Variants in TTN observed in about 807,000 individuals in gnomAD.
TTN encodes the protein connectin.
TTN carries 1,525 observed loss-of-function variants against 3,223.0 expected under a neutral mutation model. The observed-to-expected ratio is 0.47, with a 90% CI of 0.45 to 0.49. The LOEUF (loss-of-function observed/expected upper bound fraction) is 0.49. Among genes scored for constraint, TTN ranks in the 20% least tolerant of loss-of-function variants. TTN has a pLI of 0.00. For missense variants in TTN, 40,786 were observed against 43,424.0 expected (o/e 0.94, Z 5.40); for synonymous variants, 14,094 against 15,161.0 (o/e 0.93, Z 5.17).
At chr2:178,802,362 A>G (rs1561528642) in intron 2 of TTN, 21 bp from the exon 3 acceptor site, 1 of 1,608,806 alleles carries the variant, frequency 6.2e-7, no homozygotes, top group Non-Finnish European at 8.5e-7. Context: ...AGAACAATTC[A>G]CCTTTATGTT....
chr2:178,652,149 T>C lies in TTN; in HGVS notation c.39242A>G (p.Glu13081Gly). ...AGGAATAGCTTCAGGCACCTTCTTT[T>C]CTGGGACAGCTACCTTTGGCACCTC... ...VPEVPKVAVP[E>G]KKVPEAIPPK... The change falls in exon 204 of 363, where the codon GAA becomes GGA. Residue 13081 changes from glutamate (E) to glycine (G), a missense_variant. Transcript: ENST00000589042. 6.2e-7 allele frequency: 1 copy of C among 1,612,344 alleles called. No individual in the cohort carries two copies.
In TTN at chr2:178,588,799, T is replaced by G. The variant is rs1225927295; in HGVS notation, c.62926A>C (p.Ser20976Arg). The G allele has an allele frequency of 3.1e-6, 5 of 1,613,366 alleles. No individual in the cohort carries two copies. Among genetic ancestry groups the G allele is most frequent in the Non-Finnish European group, 4.2e-6 (5 of 1,179,568 alleles). Residue 20976 changes from serine to arginine, a missense_variant, in exon 304 of 363, where the codon AGC becomes CGC. Coordinates refer to ENST00000589042, the MANE Select transcript of TTN (RefSeq NM_001267550.2). ...CAAACCACAGTCATCTCTTCTTTGC[T>G]TACTTTAGTGACTTCTGGGGGATCA... Reference protein sequence around the residue: ...RPDPPEVTKVSKEEMTVVWNP... With the variant: ...RPDPPEVTKVRKEEMTVVWNP...
At position 178,750,473 on chromosome 2, in the gene TTN, G is replaced by A. The variant is rs774501889; in HGVS notation, c.11311+2651C>T. The stretch of plus-strand genomic sequence containing the variant: ...GATTGGCATGTCATTGTTATACCAC[G>A]TCACTATAGGTTGAGGATATCCTTG... On this transcript the variant is annotated intron_variant, in intron 47 of 362. Coordinates refer to ENST00000589042, the MANE Select transcript of TTN (RefSeq NM_001267550.2). The A allele has an allele frequency of 1.7e-5, 27 of 1,612,710 alleles. No homozygotes were observed. Among genetic ancestry groups the A allele is most frequent in the East Asian group, 4.5e-5 (2 of 44,770 alleles).
intron 112 of TTN, among the ~76,000 whole-genome samples, chr2:178,698,379 AT>A (rs2154286207): frequency 6.6e-6 from 1 of 152,318 alleles, no homozygotes; most frequent in East Asian, 1.9e-4. Context: ...TAAATTTCAA[AT>A]ATTCTCACCA....
rs1553487597 is a variant in TTN at position 178,531,990 on chromosome 2, CCTT to C, written c.104622_104624del (p.Arg34875del). On this transcript the variant is annotated inframe_deletion, in exon 358 of 363. Coordinates refer to ENST00000589042, the MANE Select transcript of TTN (RefSeq NM_001267550.2). ...GGCGAGTTCTCTCTGGAGTAGGTGA[CCTT>C]CTTTCTGTGTCATCTTCGTATTCCT... 2 of 1,613,794 alleles carry C rather than the reference CCTT, an allele frequency of 1.2e-6. No homozygotes were observed. The highest frequency in any genetic ancestry group is 1.7e-6 in the Non-Finnish European group (2 of 1,179,846).
rs763365908 is a variant in TTN, at chr2:178,706,983, T to C, written c.29042-29A>G. ...AAAAAACATTTACATGTTTTGTTACTACAATCACCTCAGAATTACAATACA... is the reference window on the plus strand; with the variant it reads ...AAAAAACATTTACATGTTTTGTTACCACAATCACCTCAGAATTACAATACA... On this transcript the variant is annotated intron_variant, in intron 100 of 362. Coordinates refer to ENST00000589042, the MANE Select transcript of TTN (RefSeq NM_001267550.2). 7 of 1,562,322 alleles carry C rather than the reference T, an allele frequency of 4.5e-6. No individual in the cohort carries two copies. The African/African-American group carries it at 9.5e-5, about 21-fold the overall frequency.
rs201284459 is a variant in TTN, at chr2:178,774,998, G to C, written c.6713C>G (p.Thr2238Arg). 18 of 1,613,944 alleles carry C rather than the reference G, an allele frequency of 1.1e-5. No homozygotes were observed. The South Asian group carries it at 1.5e-4, about 14-fold the overall frequency. ...VHFLSILTIDTSDAEDYSCVL... is the reference protein window; with the variant it reads ...VHFLSILTIDRSDAEDYSCVL... ...ACAGCTGTAATCTTCAGCATCAGAC[G>C]TATCAATGGTCAGTATGGAGAGGAA... is the stretch of plus-strand genomic sequence containing the variant. The change falls in exon 29 of 363, where the codon ACG becomes AGG. Residue 2238 changes from threonine to arginine, a missense_variant. Physicochemically the swap from Thr to Arg is moderately conservative, Grantham distance 71. Coordinates refer to ENST00000589042, the MANE Select transcript of TTN (RefSeq NM_001267550.2).
intron 125 of TTN, 81 bp from the exon 126 acceptor site, chr2:178,688,859 A>C: frequency 8.3e-7 from 1 of 1,203,492 alleles, no homozygotes. Flanking sequence ...GAAGAGTTGC[A>C]CAGTACACCA....
In TTN at chr2:178,552,739, G is replaced by A. The variant is rs767891763; in HGVS notation, c.90161C>T (p.Pro30054Leu). 1.9e-5 allele frequency: 31 copies of A among 1,613,826 alleles called. No homozygotes were observed. Among genetic ancestry groups the A allele is most frequent in the Non-Finnish European group, 2.5e-5 (30 of 1,179,842 alleles). The change falls in exon 335 of 363, where the codon CCT (proline) becomes CTT (leucine). Residue 30054 changes from proline to leucine, a missense_variant. Coordinates refer to ENST00000589042, the MANE Select transcript of TTN (RefSeq NM_001267550.2). ...KTSVILSWTK[P>L]DFDGGSVITE... ...GATGACGCTACCACCATCAAAGTCAGGTTTGGTCCAGCTGAGGATGACAGA... is the reference window on the plus strand; with the variant it reads ...GATGACGCTACCACCATCAAAGTCAAGTTTGGTCCAGCTGAGGATGACAGA...
At chr2:178,779,811 A>G (rs1359772079) in intron 22 of TTN, 189 bp downstream of exon 22, 3 of 613,112 alleles carry the variant, frequency 4.9e-6, no homozygotes, top group Non-Finnish European at 8.5e-6. Context: ...TATGGCCTAT[A>G]TGTAATCTCT....
intron 242 of TTN, among the ~76,000 whole-genome samples, chr2:178,624,227 AAAG>A (rs2058703241): frequency 6.6e-6 from 1 of 151,976 alleles, no homozygotes; most frequent in Admixed American, 6.6e-5. Flanking sequence ...CAGTGAGAGA[AAAG>A]AAGCATAGGG....
In TTN at chr2:178,799,744, A is replaced by G; in HGVS notation, c.670-13T>C. ...GGGCTTCAATCTTCTGTAAAAGATT[A>G]AAACAAAGCCCACGTTGAGGAGGAA... On this transcript the variant is annotated splice_polypyrimidine_tract_variant and intron_variant, in intron 5 of 362. Coordinates refer to ENST00000589042, the MANE Select transcript of TTN (RefSeq NM_001267550.2). The G allele has an allele frequency of 6.2e-7, 1 of 1,614,198 alleles. No homozygotes were observed. The highest frequency in any genetic ancestry group is 8.5e-7 in the Non-Finnish European group (1 of 1,180,018).
chr2:178,552,396 A>G lies in TTN; in HGVS notation c.90504T>C (p.Asp30168=). Residue 30168 remains aspartate, a synonymous_variant, in exon 335 of 363, where the codon GAT becomes GAC. Coordinates refer to ENST00000589042, the MANE Select transcript of TTN (RefSeq NM_001267550.2). The part of the protein sequence containing the change: ...KPKPSISWLK[D]GLPLKESEFV... Reference sequence around the variant, plus strand: ...ATTCACTTTCTTTCAGTGGCAAGCCATCTTTCAGCCAACTGATGGATGGTT... The same window carrying G: ...ATTCACTTTCTTTCAGTGGCAAGCCGTCTTTCAGCCAACTGATGGATGGTT... The G allele has an allele frequency of 6.3e-7, 1 of 1,592,346 alleles. No homozygotes were observed. The highest frequency in any genetic ancestry group is 8.6e-7 in the Non-Finnish European group (1 of 1,167,138).
intron 281 of TTN, 94 bp from the exon 282 acceptor site, chr2:178,604,399 T>A: frequency 9.5e-7 from 1 of 1,049,704 alleles, no homozygotes; most frequent in Non-Finnish European, 1.3e-6. Context: ...GAGGGATGAC[T>A]GTAAGAAGAA....
At position 178,599,184 on chromosome 2, in the gene TTN, G is replaced by T. The variant is rs755909878; in HGVS notation, c.56609C>A (p.Pro18870His). ...MAQNKYGIGE[P>H]LDSEPETARN... is the part of the protein sequence containing the mutation. Reference sequence around the variant, plus strand: ...TGCTGTTTCAGGTTCACTGTCAAGAGGTTCTCCAATGCCATATTTATTCTG... The same window carrying T: ...TGCTGTTTCAGGTTCACTGTCAAGATGTTCTCCAATGCCATATTTATTCTG... Residue 18870 changes from proline to histidine, a missense_variant, in exon 290 of 363, where the codon CCT becomes CAT. Transcript: ENST00000589042. 2.0e-6 allele frequency: 3 copies of T among 1,511,254 alleles called. No individual in the cohort carries two copies. In the South Asian group the frequency reaches 4.3e-5, roughly 22 times the overall value. The allele number at this position is 1,511,254 out of a possible 1,614,324, so 93.6% of individuals were successfully genotyped here. A position where few individuals can be genotyped will look rare whatever the true frequency, so the allele number is the denominator to read the frequency against.
Position 178,548,010 on chromosome 2 carries a change from T to A in TTN, c.93616A>T (p.Ile31206Phe). The change falls in exon 339 of 363, where the codon ATT becomes TTT. Residue 31206 changes from isoleucine to phenylalanine, a missense_variant. Physicochemically the swap from Ile to Phe is conservative, Grantham distance 21. Coordinates refer to ENST00000589042, the MANE Select transcript of TTN (RefSeq NM_001267550.2). This position sits in a 1 kb window ranked among gnomAD's most constrained non-coding sequence, Gnocchi z 4.3. ...GTGGGCTCGATTTGAGGCTCCTTAA[T>A]GATGACAGAAGAGAAGGCTTCTCTG... Reference protein sequence around the residue: ...EPREAFSSVIIKEPQIEPTAD... With the variant: ...EPREAFSSVIFKEPQIEPTAD... 1 of 1,613,760 alleles carries A rather than the reference T, an allele frequency of 6.2e-7. No individual in the cohort carries two copies. Among genetic ancestry groups the A allele is most frequent in the Non-Finnish European group, 8.5e-7 (1 of 1,179,776 alleles).
intron 51 of TTN, 38 bp from the exon 52 acceptor site, chr2:178,734,644 A>G: frequency 6.4e-7 from 1 of 1,565,176 alleles, no homozygotes; most frequent in Non-Finnish European, 8.7e-7. Flanking sequence ...GTAATGGGTA[A>G]TAAGTAATTA....
At position 178,549,731 on chromosome 2, in the gene TTN, C is replaced by A; in HGVS notation, c.91991G>T (p.Arg30664Ile). 6.2e-7 allele frequency: 1 copy of A among 1,613,756 alleles called. No homozygotes were observed. ...ATCCTCAATTAGTGCCCAGGCAAGT[C>A]TGCTGGTTTCCCGTTTTTCAATGAT... ...HYIIEKRETS[R>I]LAWALIEDKC... The change falls in exon 338 of 363, where the codon AGA (arginine) becomes ATA (isoleucine). Residue 30664 changes from arginine (R) to isoleucine (I), a missense_variant. By Grantham distance (97) the Arg-to-Ile change is moderately conservative. Transcript: ENST00000589042.
chr2:178,536,441 G>T lies in TTN; in HGVS notation c.100306C>A (p.Gln33436Lys). The stretch of plus-strand genomic sequence containing the variant: ...GTTGTCACAGAAATCCATTTATTCT[G>T]CTTCTTCTCACGCTTCTCAAGGTAG... Reference protein sequence around the residue: ...NYYLEKREKKQNKWISVTTEE... With the variant: ...NYYLEKREKKKNKWISVTTEE... Residue 33436 changes from glutamine to lysine, a missense_variant, in exon 357 of 363, where the codon CAG becomes AAG. Transcript: ENST00000589042. 6.2e-7 allele frequency: 1 copy of T among 1,612,312 alleles called. No homozygotes were observed. Among genetic ancestry groups the T allele is most frequent in the South Asian group, 1.1e-5 (1 of 90,948 alleles).
Sources: gnomAD v4.1 joint callset for allele counts (sites outside exome capture counted in the v4.1 genomes callset) on GRCh38, gnomAD v4.1.1 for gene constraint, Gnocchi (gnomAD v3.1) non-coding constraint, MANE v1.5 for transcripts, NCBI Gene and HGNC (gene_info 2026-07-23, HGNC 2026-07-21) for gene names.